NUP93: variants seen among roughly 807,000 people sequenced by gnomAD.
The protein encoded by NUP93 is nuclear pore complex protein Nup93.
In NUP93, 55 loss-of-function variants were observed where a neutral mutation model predicts 107.8. The observed-to-expected ratio is 0.51, with a 90% CI of 0.41 to 0.64. NUP93 has a LOEUF of 0.64. Among genes scored for constraint, NUP93 ranks in the 30% least tolerant of loss-of-function variants. The probability of loss-of-function intolerance (pLI) is 0.00; values close to 1 mark genes in which losing one functional copy is unlikely to be tolerated. For missense variants in NUP93, 937 were observed against 1,044.7 expected, an observed-to-expected ratio of 0.90 and a Z score of 1.42; for synonymous variants, 390 against 397.5, an observed-to-expected ratio of 0.98 and a Z score of 0.22.
At chr16:56,749,496 G>C (rs1961880690) in intron 2 of NUP93, among the ~76,000 whole-genome samples, 1 of 152,206 alleles carries the variant, frequency 6.6e-6, no homozygotes, top group African/African-American at 2.4e-5. Flanking sequence ...TTGTGCCTTT[G>C]ATGGGTCCGG....
At chr16:56,842,673 C>G in intron 21 of NUP93, 1 of 445,896 alleles carries the variant, frequency 2.2e-6, no homozygotes, top group South Asian at 1.6e-5. Flanking sequence ...CCACCTCACC[C>G]TCCCAAGTAG....
At chr16:56,828,076 C>A (rs1302866460) in intron 8 of NUP93, among the ~76,000 whole-genome samples, 1 of 151,428 alleles carries the variant, frequency 6.6e-6, no homozygotes, top group Non-Finnish European at 1.5e-5. Context: ...GAGCCAAGAT[C>A]ATGCCACTGC....
Position 56,829,555 on chromosome 16 carries a change from A to T in NUP93, c.927+446A>T, listed in dbSNP as rs114239976. Among the ~76,000 whole-genome samples, 524 of 152,346 alleles carry T rather than the reference A, an allele frequency of 3.4e-3. 1 individual carries two copies. Among genetic ancestry groups the T allele is most frequent in the African/African-American group, 0.012 (509 of 41,574 alleles). On this transcript the variant is annotated intron_variant, in intron 9 of 21. Coordinates refer to ENST00000308159, the MANE Select transcript of NUP93 (RefSeq NM_014669.5). ...ATGCAAAGCCCTAAACTGGAGCCTTATGCAAAGGGTGGCAGGATACAGAGG... is the reference window on the plus strand; with the variant it reads ...ATGCAAAGCCCTAAACTGGAGCCTTTTGCAAAGGGTGGCAGGATACAGAGG...
chr16:56,757,829 C>A (rs554665177), intron 2 of NUP93, among the ~76,000 whole-genome samples: 76 of 152,282 alleles, frequency 5.0e-4, no homozygotes, highest in African/African-American at 1.8e-3. Flanking sequence ...TCACCTTGAA[C>A]CTTTAGTTTC....
rs573049255 is a variant in NUP93, at chr16:56,822,585, A to G, written c.654+992A>G. Among the ~76,000 whole-genome samples, 185 of 118,620 alleles carry G rather than the reference A, an allele frequency of 1.6e-3. 1 individual carries two copies. The highest frequency in any genetic ancestry group is 5.9e-3 in the African/African-American group (181 of 30,852). The allele number at this position is 118,620 out of a possible 152,430, so 77.8% of individuals were successfully genotyped here. A position where few individuals can be genotyped will look rare whatever the true frequency, so the allele number is the denominator to read the frequency against. On this transcript the variant is annotated intron_variant, in intron 7 of 21. Coordinates refer to ENST00000308159, the MANE Select transcript of NUP93 (RefSeq NM_014669.5). ...TTTTCTTTTTTTTTTTTTGAGTTGAAGTTTCACTGTTGTTGCCCAGGCTGA... is the reference window on the plus strand; with the variant it reads ...TTTTCTTTTTTTTTTTTTGAGTTGAGGTTTCACTGTTGTTGCCCAGGCTGA...
intron 1 of NUP93, among the ~76,000 whole-genome samples, chr16:56,739,564 C>T (rs1961674926): frequency 1.1e-4 from 10 of 92,934 alleles, no homozygotes; most frequent in South Asian, 9.0e-4. Flanking sequence ...GGCGGCTGGC[C>T]GGGCGGGGGG....
In NUP93 at chr16:56,847,076, G is replaced by A. The variant is rs1434686200; in HGVS notation, c.*2467G>A. The A allele has an allele frequency of 6.6e-6, 1 of 152,282 alleles. No homozygotes were observed. The highest frequency in any genetic ancestry group is 2.4e-5 in the African/African-American group (1 of 41,460). The allele number at this position is 152,282 out of a possible 1,614,324, so 9.4% of individuals were successfully genotyped here. ...TGAGTTGGGAGAAAAGTGGTCACTGGTTGGCAGTTAAGGACTTGCTGAGAG... is the reference window on the plus strand; with the variant it reads ...TGAGTTGGGAGAAAAGTGGTCACTGATTGGCAGTTAAGGACTTGCTGAGAG... On this transcript the variant is annotated 3_prime_UTR_variant, in exon 22 of 22. Coordinates refer to ENST00000308159, the MANE Select transcript of NUP93 (RefSeq NM_014669.5).
chr16:56,803,232 T>G (rs1252112539), intron 4 of NUP93, among the ~76,000 whole-genome samples: 7 of 151,976 alleles, frequency 4.6e-5, no homozygotes, highest in Non-Finnish European at 8.8e-5. Context: ...GCCAAGGCGG[T>G]CGGATCACTT....
chr16:56,837,588 A>T lies in NUP93; in HGVS notation c.1900-20A>T. ...TGATTACTTTATTGATTGCTTCCTT[A>T]ATTTTAAAAACTTGAGCAGAATGCT... is the stretch of plus-strand genomic sequence containing the variant. On this transcript the variant is annotated intron_variant, in intron 17 of 21. Transcript: ENST00000308159. 6.3e-7 allele frequency: 1 copy of T among 1,582,744 alleles called. No individual in the cohort carries two copies. Among genetic ancestry groups the T allele is most frequent in the Non-Finnish European group, 8.7e-7 (1 of 1,151,900 alleles).
chr16:56,740,439 A>G (rs1597100582), intron 1 of NUP93, among the ~76,000 whole-genome samples: 1 of 151,412 alleles, frequency 6.6e-6, no homozygotes, highest in African/African-American at 2.4e-5. Context: ...GCGGCCAGGC[A>G]GAGACGCTCC....
Position 56,833,127 on chromosome 16 carries a change from C to T in NUP93, c.1346-88C>T, listed in dbSNP as rs111487577. 1.8e-5 allele frequency: 21 copies of T among 1,150,464 alleles called. 1 individual carries two copies. The highest frequency in any genetic ancestry group is 1.4e-4 in the African/African-American group (9 of 62,760). 71.3% of individuals were successfully genotyped at this position (1,150,464 alleles called of 1,614,324 possible). The stretch of plus-strand genomic sequence containing the variant: ...CTTCCTGTCCAGCAAGTCCTGTGGG[C>T]TCACAGGGCTGCTGCCTGGGGGTTG... On this transcript the variant is annotated intron_variant, in intron 12 of 21. Transcript: ENST00000308159.
At chr16:56,776,989 A>G (rs756095350) in intron 3 of NUP93, among the ~76,000 whole-genome samples, 1 of 152,188 alleles carries the variant, frequency 6.6e-6, no homozygotes, top group Non-Finnish European at 1.5e-5. Context: ...TCTAAATACC[A>G]AGGCTTAATA....
At chr16:56,793,549 A>C (rs1300290389) in intron 3 of NUP93, among the ~76,000 whole-genome samples, 4 of 152,048 alleles carry the variant, frequency 2.6e-5, no homozygotes, top group African/African-American at 7.2e-5. Flanking sequence ...ATATGAGTAC[A>C]TCTCCTGGGT....
At chr16:56,836,141 A>G (rs1963905411) in intron 16 of NUP93, among the ~76,000 whole-genome samples, 1 of 150,504 alleles carries the variant, frequency 6.6e-6, no homozygotes, top group South Asian at 2.1e-4. Context: ...AAAAAAAAAA[A>G]AAGAAATGTC....
intron 3 of NUP93, among the ~76,000 whole-genome samples, chr16:56,760,820 C>T (rs1177822850): frequency 6.6e-6 from 1 of 152,058 alleles, no homozygotes; most frequent in Non-Finnish European, 1.5e-5. Flanking sequence ...TGGTGGCGCA[C>T]TCCTGTAGTC....
Position 56,748,263 on chromosome 16 carries a change from T to TTTGG in NUP93, c.18_21dup (p.Glu8TrpfsTer2). On this transcript the variant is annotated frameshift_variant, in exon 2 of 22. Coordinates refer to ENST00000308159, the MANE Select transcript of NUP93 (RefSeq NM_014669.5). LOFTEE classifies it high-confidence loss of function. ...TGCATCTCCAATGGATACTGAGGGG[T>TTTGG]TTGGTGAGCTCCTTCAGCAAGCTGA... 1 of 1,612,230 alleles carries TTTGG rather than the reference T, an allele frequency of 6.2e-7. No individual in the cohort carries two copies. Among genetic ancestry groups the TTTGG allele is most frequent in the Non-Finnish European group, 8.5e-7 (1 of 1,178,866 alleles).
At chr16:56,775,811 A>G (rs1213501204) in intron 3 of NUP93, among the ~76,000 whole-genome samples, 2 of 152,160 alleles carry the variant, frequency 1.3e-5, no homozygotes, top group East Asian at 1.9e-4. Context: ...ATAGGGCCCC[A>G]TAGACAAGGC....
intron 1 of NUP93, among the ~76,000 whole-genome samples, chr16:56,747,252 G>A (rs1341129432): frequency 3.9e-5 from 6 of 152,126 alleles, no homozygotes; most frequent in African/African-American, 9.7e-5. Context: ...TGCCCGCCTC[G>A]GCCTCCCAGA....
At chr16:56,837,832 A>T in intron 18 of NUP93, 106 bp downstream of exon 18, 2 of 762,626 alleles carry the variant, frequency 2.6e-6, no homozygotes, top group South Asian at 1.7e-5. Context: ...AACAGCAGAC[A>T]GCTTTCCAAA....
Sources: gnomAD v4.1 joint callset for allele counts (sites outside exome capture counted in the v4.1 genomes callset) on GRCh38, gnomAD v4.1.1 for gene constraint, MANE v1.5 for transcripts, NCBI Gene and HGNC (gene_info 2026-07-23, HGNC 2026-07-21) for gene names.